ANO4: variants seen among roughly 807,000 people sequenced by gnomAD.
The protein encoded by ANO4 is anoctamin 4, also known as anoctamin-4.
A neutral mutation model predicts 141.9 loss-of-function variants in ANO4; 69 were observed. That is an observed-to-expected ratio of 0.49 (90% CI 0.40 to 0.59). ANO4 has a LOEUF of 0.59. ANO4 is among the 20% of genes least tolerant of loss of function. The pLI, the probability that ANO4 is intolerant of heterozygous loss-of-function variation, is 0.00. For synonymous variants in ANO4, 350 were observed against 394.3 expected, an observed-to-expected ratio of 0.89 and a Z score of 1.33; for missense variants, 894 against 1,162.2, an observed-to-expected ratio of 0.77 and a Z score of 3.36.
intron 1 of ANO4, among the ~76,000 whole-genome samples, chr12:100,802,222 A>T (rs1177430349): frequency 6.6e-6 from 1 of 152,156 alleles, no homozygotes; most frequent in Non-Finnish European, 1.5e-5. Flanking sequence ...TTTTTATTTG[A>T]CAATTAACTT....
At chr12:100,947,881 A>C (rs1479937101) in intron 5 of ANO4, among the ~76,000 whole-genome samples, 2 of 152,112 alleles carry the variant, frequency 1.3e-5, no homozygotes, top group African/African-American at 4.8e-5. Context: ...GGTGAATTTC[A>C]GGGTTAAAGA....
At chr12:101,017,342 G>A (rs1033731900) in intron 8 of ANO4, among the ~76,000 whole-genome samples, 15 of 152,068 alleles carry the variant, frequency 9.9e-5, no homozygotes, top group East Asian at 3.9e-4. Flanking sequence ...CCCATGATTC[G>A]ATTACCTCCC....
At chr12:100,812,005 T>C (rs367814451) in intron 1 of ANO4, among the ~76,000 whole-genome samples, 1 of 146,140 alleles carries the variant, frequency 6.8e-6, no homozygotes, top group Non-Finnish European at 1.5e-5. Context: ...TGCACATACC[T>C]ACTCACATAT....
intron 3 of ANO4, among the ~76,000 whole-genome samples, chr12:100,931,334 A>G (rs2042081921): frequency 6.6e-6 from 1 of 152,222 alleles, no homozygotes; most frequent in South Asian, 2.1e-4. Flanking sequence ...TGTAAAGTCT[A>G]GCTTTATTCA....
At chr12:100,730,013 A>G (rs1407598874) in intron 1 of ANO4, among the ~76,000 whole-genome samples, 1 of 151,996 alleles carries the variant, frequency 6.6e-6, no homozygotes, top group Non-Finnish European at 1.5e-5. Context: ...CTCCTCATTC[A>G]TAGTCATTTC....
intron 8 of ANO4, among the ~76,000 whole-genome samples, chr12:101,014,952 C>T (rs1422667757): frequency 1.3e-5 from 2 of 152,014 alleles, no homozygotes; most frequent in African/African-American, 4.8e-5. Context: ...GCCTCAGCCT[C>T]CTGAGTAGCT....
intron 13 of ANO4, chr12:101,048,047 A>C (rs1370312168): frequency 8.5e-7 from 1 of 1,172,850 alleles, no homozygotes; most frequent in African/African-American, 1.6e-5. Context: ...CGTGTATAAG[A>C]GTTTTGTTGT....
chr12:101,018,627 T>C (rs2046401800), intron 8 of ANO4, among the ~76,000 whole-genome samples: 1 of 152,200 alleles, frequency 6.6e-6, no homozygotes, highest in African/African-American at 2.4e-5. Context: ...TTCATTTCCT[T>C]GAAGAAAAAC....
chr12:101,101,176 C>A (rs1245696250), intron 22 of ANO4, among the ~76,000 whole-genome samples: 2 of 152,166 alleles, frequency 1.3e-5, no homozygotes, highest in African/African-American at 4.8e-5. Context: ...AAGAAGACTT[C>A]TTTGTCCCCT....
intron 3 of ANO4, among the ~76,000 whole-genome samples, chr12:100,743,228 T>G (rs1438467267): frequency 6.6e-6 from 1 of 150,826 alleles, no homozygotes; most frequent in Non-Finnish European, 1.5e-5. Flanking sequence ...TTTAAATTAT[T>G]TAATTAATAT....
At chr12:100,928,312 G>A (rs2041958910) in intron 3 of ANO4, among the ~76,000 whole-genome samples, 1 of 152,080 alleles carries the variant, frequency 6.6e-6, no homozygotes, top group Non-Finnish European at 1.5e-5. Context: ...AAGGAAAATA[G>A]TAATAGTACA....
intron 1 of ANO4, among the ~76,000 whole-genome samples, chr12:100,807,592 G>A (rs2035138947): frequency 6.6e-6 from 1 of 152,088 alleles, no homozygotes; most frequent in Non-Finnish European, 1.5e-5. Flanking sequence ...AAGCTCAGGG[G>A]TACAAGTGTG....
At chr12:100,788,702 A>G (rs951174238) in intron 3 of ANO4, among the ~76,000 whole-genome samples, 2 of 152,132 alleles carry the variant, frequency 1.3e-5, no homozygotes, top group African/African-American at 4.8e-5. Flanking sequence ...TTGAGTGTAT[A>G]TTGAGTGTGT....
chr12:100,775,891 G>A (rs2033485394), intron 3 of ANO4, among the ~76,000 whole-genome samples: 1 of 151,410 alleles, frequency 6.6e-6, no homozygotes, highest in Non-Finnish European at 1.5e-5. Context: ...GTGTTTTTAA[G>A]TACCTATGAT....
In ANO4 at chr12:100,942,538, A is replaced by G. The variant is rs1394731552; in HGVS notation, c.456+3A>G. The G allele has an allele frequency of 6.2e-7, 1 of 1,611,142 alleles. No individual in the cohort carries two copies. On this transcript the variant is annotated splice_donor_region_variant and intron_variant, in intron 5 of 27. Transcript: ENST00000392977. ...AAGGATTGCAAATGGAGAAAGAGGT[A>G]AATAGTTTGCTTGGATGAGAAAAAA...
rs571008686 is a variant in ANO4 at position 100,759,821 on chromosome 12, A to T, written c.358+19716A>T. Among the ~76,000 whole-genome samples, 8 of 152,276 alleles carry T rather than the reference A, an allele frequency of 5.3e-5. No individual in the cohort carries two copies. In the South Asian group the frequency reaches 1.4e-3, roughly 28 times the overall value. On this transcript the variant is annotated intron_variant, in intron 3 of 29. Transcript: ENST00000644049. ...GCCTCCCCTGCTGGGGTAGTTTCCCATGCTCCCAAGGTTTTCCTTTCTTCT... is the reference window on the plus strand; with the variant it reads ...GCCTCCCCTGCTGGGGTAGTTTCCCTTGCTCCCAAGGTTTTCCTTTCTTCT...
chr12:100,736,499 C>T (rs1220855549), intron 2 of ANO4, among the ~76,000 whole-genome samples: 1 of 152,114 alleles, frequency 6.6e-6, no homozygotes. Context: ...GGATGACACT[C>T]TTGTTACCTG....
intron 14 of ANO4, chr12:101,066,895 A>G (rs2048612662): frequency 3.3e-6 from 3 of 908,578 alleles, no homozygotes; most frequent in Non-Finnish European, 5.6e-6. Context: ...CAAAGACCAC[A>G]CTGCCCACAT....
chr12:100,814,438 G>C (rs2035615124), intron 1 of ANO4, among the ~76,000 whole-genome samples: 1 of 152,114 alleles, frequency 6.6e-6, no homozygotes, highest in Non-Finnish European at 1.5e-5. Flanking sequence ...CATGCGTAGA[G>C]AGCAGTAAGG....
Sources: gnomAD v4.1 joint callset for allele counts (sites outside exome capture counted in the v4.1 genomes callset) on GRCh38, gnomAD v4.1.1 for gene constraint, MANE v1.5 for transcripts, NCBI Gene and HGNC (gene_info 2026-07-23, HGNC 2026-07-21) for gene names.